ENOPH1: variants seen among roughly 807,000 people sequenced by gnomAD.
ENOPH1 encodes enolase-phosphatase 1, also known as enolase-phosphatase E1.
A neutral mutation model predicts 31.1 loss-of-function variants in ENOPH1; 14 were observed. The observed-to-expected ratio is 0.45, with a 90% CI of 0.30 to 0.70. The LOEUF (loss-of-function observed/expected upper bound fraction) is 0.70, where lower values mean the gene tolerates loss of function less well. ENOPH1 is among the 30% of genes least tolerant of loss of function. ENOPH1 has a pLI of 0.09. For missense variants in ENOPH1, 243 were observed against 321.5 expected (o/e 0.76, Z 1.87); for synonymous variants, 127 against 123.2 (o/e 1.03, Z -0.21).
intron 2 of ENOPH1, among the ~76,000 whole-genome samples, chr4:82,448,290 C>T (rs1468272603): frequency 3.4e-5 from 5 of 148,886 alleles, no homozygotes; most frequent in African/African-American, 1.2e-4. Context: ...GAGATGGAGT[C>T]TCACTTCGTT....
intron 1 of ENOPH1, among the ~76,000 whole-genome samples, chr4:82,440,880 C>T (rs187768954): frequency 1.3e-5 from 2 of 152,228 alleles, no homozygotes; most frequent in African/African-American, 4.8e-5. Context: ...TTTCAACCTA[C>T]ACCCCTTGTA....
chr4:82,449,156 C>T (rs933504041), intron 2 of ENOPH1, among the ~76,000 whole-genome samples: 4 of 150,656 alleles, frequency 2.7e-5, no homozygotes, highest in Non-Finnish European at 5.9e-5. Flanking sequence ...AGGAGAATTG[C>T]TTGAACGTGG....
At position 82,435,169 on chromosome 4, in the gene ENOPH1, A is replaced by T. The variant is rs1721875559; in HGVS notation, c.84+4256A>T. Among the ~76,000 whole-genome samples, 6 of 152,256 alleles carry T rather than the reference A, an allele frequency of 3.9e-5. No homozygotes were observed. In the South Asian group the frequency reaches 1.2e-3, roughly 32 times the overall value. On this transcript the variant is annotated intron_variant, in intron 1 of 5. Transcript: ENST00000273920. ...CAGGCTGGAGTACAGTGGCACGATC[A>T]CAGCTCACCGCAACCTCGACCTCTC...
chr4:82,445,890 A>C (rs1722162500), intron 1 of ENOPH1, among the ~76,000 whole-genome samples: 1 of 152,200 alleles, frequency 6.6e-6, no homozygotes, highest in South Asian at 2.1e-4. Flanking sequence ...CCAACTTCTA[A>C]GGCTGTTCTC....
chr4:82,437,790 T>G (rs1721945298), intron 1 of ENOPH1, among the ~76,000 whole-genome samples: 1 of 152,204 alleles, frequency 6.6e-6, no homozygotes, highest in Non-Finnish European at 1.5e-5. Context: ...CCTCACACAG[T>G]GCTTACACAT....
rs187311760 is a variant in ENOPH1 at position 82,436,310 on chromosome 4, C to T, written c.84+5397C>T. 2.6e-5 allele frequency among the ~76,000 whole-genome samples: 4 copies of T among 152,190 alleles called. No individual in the cohort carries two copies. In the East Asian group the frequency reaches 7.7e-4, roughly 29 times the overall value. On this transcript the variant is annotated intron_variant, in intron 1 of 5. Coordinates refer to ENST00000273920, the MANE Select transcript of ENOPH1 (RefSeq NM_021204.5). ...TTTCCCAGCTACATTCATGGTAGTA[C>T]GTGAGAGGATTTTTGTTGACTCAGC...
intron 1 of ENOPH1, among the ~76,000 whole-genome samples, chr4:82,437,763 A>G (rs1383380216): frequency 6.6e-6 from 1 of 152,180 alleles, no homozygotes; most frequent in Non-Finnish European, 1.5e-5. Context: ...AAGGCTCCTC[A>G]AGGGCAGAGA....
At chr4:82,455,709 C>T (rs1722471394) in intron 4 of ENOPH1, among the ~76,000 whole-genome samples, 1 of 152,082 alleles carries the variant, frequency 6.6e-6, no homozygotes, top group Admixed American at 6.5e-5. Flanking sequence ...TGGCTTGAAC[C>T]CAGGAGGCGG....
rs1560460609 is a variant in ENOPH1 at position 82,430,917 on chromosome 4, A to AG, written c.84+8dup. ...AACCCCGATTGCTTTCGTGAAGGTG[A>AG]GGGGCGGAAGGGAGCGGGGATGTTA... is the stretch of plus-strand genomic sequence containing the variant. On this transcript the variant is annotated splice_donor_region_variant and intron_variant, in intron 1 of 5. Coordinates refer to ENST00000273920, the MANE Select transcript of ENOPH1 (RefSeq NM_021204.5). The AG allele has an allele frequency of 6.2e-7, 1 of 1,612,118 alleles. No individual in the cohort carries two copies. Among genetic ancestry groups the AG allele is most frequent in the South Asian group, 1.1e-5 (1 of 91,044 alleles).
At chr4:82,449,766 T>G (rs890100902) in intron 2 of ENOPH1, among the ~76,000 whole-genome samples, 1 of 152,154 alleles carries the variant, frequency 6.6e-6, no homozygotes, top group Admixed American at 6.6e-5. Context: ...CCCTCCTTCC[T>G]TACTGCAAGC....
chr4:82,439,362 C>G (rs767179848), intron 1 of ENOPH1, among the ~76,000 whole-genome samples: 1 of 152,160 alleles, frequency 6.6e-6, no homozygotes, highest in Admixed American at 6.5e-5. Context: ...GTAATTTCAG[C>G]ATTGAGACCT....
intron 3 of ENOPH1, among the ~76,000 whole-genome samples, 155 bp from the exon 4 acceptor site, chr4:82,454,567 G>A (rs989774265): frequency 1.3e-5 from 2 of 152,184 alleles, no homozygotes; most frequent in East Asian, 1.9e-4. Flanking sequence ...TGGGCAGTAT[G>A]TTTATTAGAA....
intron 1 of ENOPH1, among the ~76,000 whole-genome samples, chr4:82,434,088 C>A (rs1721843245): frequency 6.6e-6 from 1 of 152,142 alleles, no homozygotes; most frequent in Non-Finnish European, 1.5e-5. Context: ...AACAAAGCCT[C>A]TGAAAAGTTG....
At chr4:82,441,496 TGGTGGCG>T (rs1482343381) in intron 1 of ENOPH1, among the ~76,000 whole-genome samples, 1 of 151,982 alleles carries the variant, frequency 6.6e-6, no homozygotes, top group Non-Finnish European at 1.5e-5. Context: ...GTGGCAGGCG[TGGTGGCG>T]GGTGCCTGTA....
intron 1 of ENOPH1, among the ~76,000 whole-genome samples, chr4:82,437,136 A>G (rs997665935): frequency 1.3e-5 from 2 of 152,066 alleles, no homozygotes; most frequent in Non-Finnish European, 2.9e-5. Context: ...CTGGTTCCTT[A>G]TTTTTCTAGA....
chr4:82,452,404 G>A (rs1722373128), intron 3 of ENOPH1, among the ~76,000 whole-genome samples: 1 of 152,060 alleles, frequency 6.6e-6, no homozygotes, highest in Non-Finnish European at 1.5e-5. Flanking sequence ...TACCTCCTGG[G>A]TTCAAGCGAT....
At chr4:82,451,001 G>A (rs1303800888) in intron 2 of ENOPH1, 42 bp from the exon 3 acceptor site, 1 of 1,566,792 alleles carries the variant, frequency 6.4e-7, no homozygotes, top group South Asian at 1.1e-5. Flanking sequence ...ACTGTTTTTT[G>A]AATAAGCAAA....
intron 1 of ENOPH1, among the ~76,000 whole-genome samples, chr4:82,433,324 G>A (rs1721824727): frequency 6.6e-6 from 1 of 151,990 alleles, no homozygotes; most frequent in Non-Finnish European, 1.5e-5. Flanking sequence ...TTGTGTCTGT[G>A]GCAGACTTAT....
At chr4:82,456,818 G>T in intron 4 of ENOPH1, 97 bp from the exon 5 acceptor site, 1 of 1,440,940 alleles carries the variant, frequency 6.9e-7, no homozygotes, top group South Asian at 1.4e-5. Context: ...AATACTGAAC[G>T]AATGAAGTAA....
Sources: gnomAD v4.1 joint callset for allele counts (sites outside exome capture counted in the v4.1 genomes callset) on GRCh38, gnomAD v4.1.1 for gene constraint, MANE v1.5 for transcripts, NCBI Gene and HGNC (gene_info 2026-07-23, HGNC 2026-07-21) for gene names.